STIL: variants seen among roughly 807,000 people sequenced by gnomAD.
STIL encodes the protein STIL centriolar assembly protein.
STIL carries 55 observed loss-of-function variants against 110.1 expected under a neutral mutation model. The ratio of observed to expected loss-of-function variants is 0.50; its 90% CI spans 0.40 to 0.63. STIL has a LOEUF of 0.63. Among genes scored for constraint, STIL ranks in the 20% least tolerant of loss-of-function variants. The pLI is 0.00. For missense variants in STIL, 1,358 were observed against 1,530.0 expected (o/e 0.89, Z 1.87); for synonymous variants, 481 against 530.0 (o/e 0.91, Z 1.27).
At chr1:47,303,258 C>T (rs1250019033) in intron 3 of STIL, among the ~76,000 whole-genome samples, 3 of 152,128 alleles carry the variant, frequency 2.0e-5, no homozygotes, top group Non-Finnish European at 4.4e-5. Flanking sequence ...TGGTACACCG[C>T]CACGTTTTAA....
At position 47,250,264 on chromosome 1, in the gene STIL, A is replaced by G. The variant is rs1644151492; in HGVS notation, c.*872T>C. On this transcript the variant is annotated 3_prime_UTR_variant, in exon 17 of 17. Transcript: ENST00000371877. ...TTCTTATTCTTTGATAGCCAGTGTG[A>G]CATGTTGAAGATGTTACACCAAAAC... 1.1e-5 allele frequency: 2 copies of G among 175,016 alleles called. No homozygotes were observed. Among genetic ancestry groups the G allele is most frequent in the Non-Finnish European group, 2.5e-5 (2 of 81,106 alleles). 10.8% of individuals were successfully genotyped at this position (175,016 alleles called of 1,614,324 possible).
At position 47,251,418 on chromosome 1, in the gene STIL, T is replaced by C; in HGVS notation, c.3585A>G (p.Val1195=). The C allele has an allele frequency of 6.2e-7, 1 of 1,614,240 alleles. No individual in the cohort carries two copies. The highest frequency in any genetic ancestry group is 8.5e-7 in the Non-Finnish European group (1 of 1,180,038). The change falls in exon 17 of 17, where the codon GTA becomes GTG. Residue 1195 remains valine, a synonymous_variant. Coordinates refer to ENST00000371877, the MANE Select transcript of STIL (RefSeq NM_001048166.1). ...ESVGTNADTP[V]LRNITNEVLQ... The stretch of plus-strand genomic sequence containing the variant: ...AAACTTCATTTGTAATATTTCTCAA[T>C]ACTGGCGTATCTGCGTTGGTCCCCA...
intron 14 of STIL, among the ~76,000 whole-genome samples, chr1:47,265,525 A>G (rs1017094533): frequency 2.6e-5 from 4 of 151,864 alleles, no homozygotes; most frequent in Non-Finnish European, 5.9e-5. Context: ...TCACACCTGT[A>G]ATCCCAGCAC....
At chr1:47,300,385 A>G (rs753070306) in intron 5 of STIL, among the ~76,000 whole-genome samples, 41 of 152,140 alleles carry the variant, frequency 2.7e-4, no homozygotes, top group Non-Finnish European at 3.4e-4. Flanking sequence ...CACATTTTCA[A>G]TGTAGATATC....
chr1:47,287,529 T>C (rs1645339195), intron 10 of STIL, 22 bp downstream of exon 10: 2 of 1,498,898 alleles, frequency 1.3e-6, no homozygotes, highest in Non-Finnish European at 1.8e-6. Context: ...AACACACACA[T>C]AATAACAAAA....
rs561250909 is a variant in STIL at position 47,260,433 on chromosome 1, T to G, written c.2936A>C (p.His979Pro). 1.1e-5 allele frequency: 18 copies of G among 1,614,096 alleles called. No homozygotes were observed. Among genetic ancestry groups the G allele is most frequent in the Non-Finnish European group, 1.5e-5 (18 of 1,180,028 alleles). ...TGAATGATGTGTTTTTTTCTTTGTA[T>G]GGTAAACGTTTTGGGTTCTGGTGCA... ...HECTRTQNVY[H>P]TKKKTHHSRL... The change falls in exon 16 of 17, where the codon CAT becomes CCT. Residue 979 changes from histidine to proline, a missense_variant. Physicochemically the swap from His to Pro is moderately conservative, Grantham distance 77 (BLOSUM62 -2). Coordinates refer to ENST00000371877, the MANE Select transcript of STIL (RefSeq NM_001048166.1).
At chr1:47,302,184 G>A (rs769557462) in intron 4 of STIL, 50 bp downstream of exon 4, 20 of 1,355,568 alleles carry the variant, frequency 1.5e-5, no homozygotes, top group South Asian at 2.3e-5. Context: ...GCCTCCCAAC[G>A]TGCTGGGATT....
Position 47,251,710 on chromosome 1 carries a change from T to C in STIL, c.3293A>G (p.His1098Arg), listed in dbSNP as rs770249656. 5 of 1,614,092 alleles carry C rather than the reference T, an allele frequency of 3.1e-6. No individual in the cohort carries two copies. Among genetic ancestry groups the C allele is most frequent in the Middle Eastern group, 1.6e-4 (1 of 6,084 alleles). ...CACTGTGCTTCTGTCTGTATTAATA[T>C]GGAGAAGGCTGAATGGGTCACAATT... is the stretch of plus-strand genomic sequence containing the variant. Reference protein sequence around the residue: ...QNNCDPFSLLHINTDRSTVGL... With the variant: ...QNNCDPFSLLRINTDRSTVGL... Residue 1098 changes from histidine to arginine, a missense_variant, in exon 17 of 17, where the codon CAT becomes CGT. Coordinates refer to ENST00000371877, the MANE Select transcript of STIL (RefSeq NM_001048166.1).
Position 47,269,631 on chromosome 1 carries a change from T to G in STIL, c.2615+4A>C. On this transcript the variant is annotated splice_donor_region_variant and intron_variant, in intron 14 of 16. Transcript: ENST00000371877. ...GATGAAAGACTAAATCAAAGAGACC[T>G]TACTTGGATACAGAAAGTGGCTGGT... 1 of 1,613,764 alleles carries G rather than the reference T, an allele frequency of 6.2e-7. No individual in the cohort carries two copies. Among genetic ancestry groups the G allele is most frequent in the Non-Finnish European group, 8.5e-7 (1 of 1,179,686 alleles).
chr1:47,306,584 A>G (rs531110085), intron 2 of STIL, among the ~76,000 whole-genome samples: 5 of 152,334 alleles, frequency 3.3e-5, no homozygotes, highest in Non-Finnish European at 5.9e-5. Context: ...TGATTTCCAG[A>G]TAATTGTTAG....
In STIL at chr1:47,269,648, G is replaced by A. The variant is rs1417768203; in HGVS notation, c.2602C>T (p.Leu868Phe). ...IAVEEEFNQP[L>F]SVSNSSSLVV... ...AAGAGACCTTACTTGGATACAGAAA[G>A]TGGCTGGTTAAATTCTTCTTCCACA... The change falls in exon 14 of 17, where the codon CTT (leucine) becomes TTT (phenylalanine). Residue 868 changes from leucine to phenylalanine, a missense_variant. Coordinates refer to ENST00000371877, the MANE Select transcript of STIL (RefSeq NM_001048166.1). 2 of 1,613,962 alleles carry A rather than the reference G, an allele frequency of 1.2e-6. No individual in the cohort carries two copies. Among genetic ancestry groups the A allele is most frequent in the Non-Finnish European group, 1.7e-6 (2 of 1,179,938 alleles).
At chr1:47,263,744 G>T (rs1292786024) in intron 14 of STIL, among the ~76,000 whole-genome samples, 25 of 98,300 alleles carry the variant, frequency 2.5e-4, no homozygotes, top group South Asian at 7.0e-4. Context: ...TTCATTCCAA[G>T]TTTTTTTTTT....
chr1:47,268,597 A>G (rs1644723478), intron 14 of STIL, among the ~76,000 whole-genome samples: 1 of 151,996 alleles, frequency 6.6e-6, no homozygotes, highest in Non-Finnish European at 1.5e-5. Context: ...TCTAAAAAAA[A>G]TACAAACAAA....
chr1:47,283,072 G>C (rs537353160), intron 10 of STIL: 1 of 152,618 alleles, frequency 6.6e-6, no homozygotes, highest in Middle Eastern at 3.4e-3. Context: ...ATATGCATCA[G>C]GCTTTTTTAC....
intron 9 of STIL, 90 bp downstream of exon 9, chr1:47,289,345 T>C: frequency 2.1e-6 from 2 of 958,586 alleles, no homozygotes; most frequent in Non-Finnish European, 3.2e-6. Flanking sequence ...TTTGGATTAC[T>C]ATTTTAAAGG....
At chr1:47,296,116 T>C (rs1364289956) in intron 6 of STIL, among the ~76,000 whole-genome samples, 1 of 152,240 alleles carries the variant, frequency 6.6e-6, no homozygotes, top group Admixed American at 6.5e-5. Context: ...AGTTTTGCTC[T>C]ATAACTTTAC....
intron 3 of STIL, among the ~76,000 whole-genome samples, chr1:47,302,791 A>T (rs1570273320): frequency 6.6e-6 from 1 of 152,196 alleles, no homozygotes; most frequent in African/African-American, 2.4e-5. Flanking sequence ...TCCTATACAT[A>T]CGTATCTATG....
chr1:47,253,363 T>C (rs977561341), intron 16 of STIL, among the ~76,000 whole-genome samples: 1 of 152,198 alleles, frequency 6.6e-6, no homozygotes, highest in African/African-American at 2.4e-5. Context: ...TTCTTATTTA[T>C]TGTCTAGCAC....
At chr1:47,282,638 C>A in intron 10 of STIL, 179 bp from the exon 11 acceptor site, 1 of 575,984 alleles carries the variant, frequency 1.7e-6, no homozygotes, top group East Asian at 3.0e-5. Flanking sequence ...GGAAGCTGGA[C>A]CAGCCAGCCT....
Sources: allele counts gnomAD v4.1 joint callset (sites outside exome capture counted in the v4.1 genomes callset), GRCh38; gene constraint gnomAD v4.1.1; transcripts MANE v1.5; gene names NCBI Gene and HGNC (gene_info 2026-07-23, HGNC 2026-07-21).